Variants in GALNT13 observed in about 807,000 individuals in gnomAD.
The protein encoded by GALNT13 is UDP-GalNAc:polypeptide N-acetylgalactosaminyltransferase 13.
A neutral mutation model predicts 64.2 loss-of-function variants in GALNT13; 28 were observed. The observed-to-expected ratio is 0.44, with a 90% CI of 0.32 to 0.60. GALNT13 has a LOEUF of 0.60. Among genes scored for constraint, GALNT13 ranks in the 20% least tolerant of loss-of-function variants. The pLI is 0.05. For synonymous variants in GALNT13, 214 were observed against 224.6 expected (o/e 0.95, Z 0.42); for missense variants, 577 against 669.8 (o/e 0.86, Z 1.53).
intron 3 of GALNT13, among the ~76,000 whole-genome samples, chr2:154,019,653 CAA>C (rs201375420): frequency 0.093 from 10,727 of 115,086 alleles, 576 homozygotes; most frequent in Non-Finnish European, 0.13. Context: ...CACACACACA[CAA>C]AAGCAAGAAA....
the GALNT13 span, among the ~76,000 whole-genome samples, chr2:153,750,336 T>C: frequency 0.012 from 1,796 of 152,032 alleles, 46 homozygotes; most frequent in African/African-American, 0.041. Context: ...AATACTGGCC[T>C]CATAGAATGA....
intron 3 of GALNT13, among the ~76,000 whole-genome samples, chr2:154,018,541 C>A (rs1317880040): frequency 3.3e-5 from 5 of 151,130 alleles, no homozygotes; most frequent in Non-Finnish European, 5.9e-5. Context: ...GCCAAACCAG[C>A]GAGAAGATAA....
chr2:153,933,697 TTAAG>T (rs142386051), intron 2 of GALNT13, among the ~76,000 whole-genome samples: 2 of 152,252 alleles, frequency 1.3e-5, no homozygotes, highest in Non-Finnish European at 2.9e-5. Flanking sequence ...GGCTATTTAT[TTAAG>T]TTTGTTTGTT....
chr2:154,332,044 A>G (rs1487704193), intron 9 of GALNT13, among the ~76,000 whole-genome samples: 1 of 152,098 alleles, frequency 6.6e-6, no homozygotes, highest in Non-Finnish European at 1.5e-5. Context: ...TAATTTACAG[A>G]AAACATTTGA....
the GALNT13 span, among the ~76,000 whole-genome samples, chr2:153,435,803 A>T: frequency 1.3e-5 from 2 of 152,016 alleles, no homozygotes; most frequent in Non-Finnish European, 1.5e-5. Context: ...TCTTTTCCTA[A>T]TTGAATACCC....
At chr2:154,183,490 T>G (rs1430330371) in intron 4 of GALNT13, among the ~76,000 whole-genome samples, 1 of 152,134 alleles carries the variant, frequency 6.6e-6, no homozygotes, top group Non-Finnish European at 1.5e-5. Context: ...GGCGGTTGAT[T>G]GCTTGAGCCT....
chr2:153,971,929 G>A (rs1242826222), intron 3 of GALNT13, among the ~76,000 whole-genome samples: 1 of 152,078 alleles, frequency 6.6e-6, no homozygotes, highest in Non-Finnish European at 1.5e-5. Context: ...CACAATTAGA[G>A]TAGGCTCTAA....
At chr2:153,707,733 A>G in the GALNT13 span, among the ~76,000 whole-genome samples, 2 of 152,290 alleles carry the variant, frequency 1.3e-5, no homozygotes, top group East Asian at 1.9e-4. Flanking sequence ...TGTGGGGCCA[A>G]TTACAAATTC....
intron 3 of GALNT13, among the ~76,000 whole-genome samples, chr2:154,130,309 G>T (rs1159914840): frequency 5.3e-5 from 8 of 152,068 alleles, no homozygotes; most frequent in Non-Finnish European, 7.4e-5. Context: ...GACCCTGGCT[G>T]GTATGGACAT....
At chr2:153,371,362 A>T in the GALNT13 span, among the ~76,000 whole-genome samples, 237 of 152,242 alleles carry the variant, frequency 1.6e-3, no homozygotes, top group Middle Eastern at 3.4e-3. Context: ...AATAAAAAGG[A>T]TGTAGATCAG....
chr2:153,301,571 A>G, the GALNT13 span, among the ~76,000 whole-genome samples: 1 of 151,940 alleles, frequency 6.6e-6, no homozygotes, highest in Non-Finnish European at 1.5e-5. Context: ...TCTCTTAGCA[A>G]TTTTTAAGAA....
At chr2:153,826,384 C>T in the GALNT13 span, among the ~76,000 whole-genome samples, 1 of 152,212 alleles carries the variant, frequency 6.6e-6, no homozygotes, top group African/African-American at 2.4e-5. Context: ...GTTATTAACA[C>T]ATCTTGAGTG....
At chr2:153,175,847 T>G in the GALNT13 span, among the ~76,000 whole-genome samples, 1 of 152,142 alleles carries the variant, frequency 6.6e-6, no homozygotes, top group East Asian at 1.9e-4. Flanking sequence ...CTGCAAGCAT[T>G]TGTTGATTGA....
chr2:153,971,370 C>T (rs1693728973), intron 3 of GALNT13, among the ~76,000 whole-genome samples: 1 of 152,138 alleles, frequency 6.6e-6, no homozygotes, highest in African/African-American at 2.4e-5. Flanking sequence ...CTTTTCTAGT[C>T]TCCCTCTCTG....
chr2:153,426,442 G>C, the GALNT13 span, among the ~76,000 whole-genome samples: 1 of 151,940 alleles, frequency 6.6e-6, no homozygotes, highest in African/African-American at 2.4e-5. Flanking sequence ...GGGCTATCCT[G>C]GGTCCAGAAG....
At chr2:153,894,570 T>G (rs1687769459) in intron 1 of GALNT13, among the ~76,000 whole-genome samples, 1 of 151,258 alleles carries the variant, frequency 6.6e-6, no homozygotes, top group Admixed American at 6.6e-5. Flanking sequence ...GAGAGAGAGA[T>G]GGGGGTGACA....
At chr2:153,253,156 T>G in the GALNT13 span, among the ~76,000 whole-genome samples, 1 of 151,214 alleles carries the variant, frequency 6.6e-6, no homozygotes, top group South Asian at 2.1e-4. Context: ...AGCAGTGGTT[T>G]GTAGTTCTCC....
chr2:153,217,805 G>A, the GALNT13 span, among the ~76,000 whole-genome samples: 56 of 152,110 alleles, frequency 3.7e-4, no homozygotes, highest in East Asian at 9.5e-3. Context: ...TTATACCTAA[G>A]TCTGATCCTG....
the GALNT13 span, among the ~76,000 whole-genome samples, chr2:153,758,847 T>C: frequency 6.6e-6 from 1 of 152,128 alleles, no homozygotes; most frequent in African/African-American, 2.4e-5. Context: ...CCATGTCAGC[T>C]TCCCAAAGTG....
Sources: gnomAD v4.1 joint callset for allele counts (sites outside exome capture counted in the v4.1 genomes callset) on GRCh38, gnomAD v4.1.1 for gene constraint, MANE v1.5 for transcripts, NCBI Gene and HGNC (gene_info 2026-07-23, HGNC 2026-07-21) for gene names.